The following MYO3A variants were observed in gnomAD, a reference collection of about 807,000 sequenced individuals.
MYO3A encodes the protein myosin IIIA.
In MYO3A, 180 loss-of-function variants were observed where a neutral mutation model predicts 192.7. The observed-to-expected ratio is 0.93, with a 90% CI of 0.83 to 1.06. The LOEUF (loss-of-function observed/expected upper bound fraction) is 1.06, where lower values mean the gene tolerates loss of function less well. MYO3A is among the 50% of genes least tolerant of loss of function. The probability of loss-of-function intolerance (pLI) is 0.00; values close to 1 mark genes in which losing one functional copy is unlikely to be tolerated. For missense variants in MYO3A, 1,896 were observed against 1,905.0 expected, an observed-to-expected ratio of 1.00 and a Z score of 0.09; for synonymous variants, 628 against 645.3, an observed-to-expected ratio of 0.97 and a Z score of 0.41.
intron 17 of MYO3A, among the ~76,000 whole-genome samples, chr10:26,104,369 A>G (rs768042969): frequency 3.3e-5 from 5 of 152,200 alleles, no homozygotes; most frequent in Middle Eastern, 3.4e-3. Context: ...ATTTTTGTGC[A>G]TATTGTGAAG....
At chr10:26,172,393 T>G (rs997007600) in intron 29 of MYO3A, among the ~76,000 whole-genome samples, 1 of 151,780 alleles carries the variant, frequency 6.6e-6, no homozygotes, top group African/African-American at 2.4e-5. Context: ...CTCTGAAGGG[T>G]TGATCCTCAG....
rs200156107 is a variant in MYO3A, at chr10:26,068,892, G to T, written c.1170+8G>T. On this transcript the variant is annotated splice_region_variant and intron_variant, in intron 12 of 34. Coordinates refer to ENST00000642920, the MANE Select transcript of MYO3A (RefSeq NM_017433.5). ...GGTCTTTACTCCACAAAGGTATGTC[G>T]TATGGGGTGCATTCTGTTACTTCAT... is the stretch of plus-strand genomic sequence containing the variant. 30 of 1,489,618 alleles carry T rather than the reference G, an allele frequency of 2.0e-5. No individual in the cohort carries two copies. The highest frequency in any genetic ancestry group is 2.3e-5 in the Non-Finnish European group (25 of 1,067,392). 92.3% of individuals were successfully genotyped at this position (1,489,618 alleles called of 1,614,324 possible). A position where few individuals can be genotyped will look rare whatever the true frequency, so the allele number is the denominator to read the frequency against.
intron 4 of MYO3A, among the ~76,000 whole-genome samples, chr10:25,978,305 A>G (rs1000465999): frequency 1.1e-4 from 17 of 152,236 alleles, no homozygotes; most frequent in African/African-American, 3.9e-4. Flanking sequence ...CAATTTATGA[A>G]AGAAAAAGGT....
intron 4 of MYO3A, among the ~76,000 whole-genome samples, chr10:25,969,054 A>G (rs1190761624): frequency 6.6e-6 from 1 of 152,174 alleles, no homozygotes. Flanking sequence ...CCTGGCTAAT[A>G]CGGTGAAACC....
intron 29 of MYO3A, among the ~76,000 whole-genome samples, chr10:26,171,161 G>A (rs560396574): frequency 1.6e-4 from 24 of 152,146 alleles, no homozygotes; most frequent in Non-Finnish European, 2.8e-4. Context: ...AAGGAGGAGG[G>A]AACCCTGCCT....
intron 10 of MYO3A, among the ~76,000 whole-genome samples, chr10:26,028,326 A>G (rs1842652121): frequency 6.6e-6 from 1 of 152,260 alleles, no homozygotes; most frequent in Non-Finnish European, 1.5e-5. Flanking sequence ...TCACAGGAGT[A>G]AATGGACTAA....
At chr10:25,999,365 A>G (rs2130917293) in intron 6 of MYO3A, among the ~76,000 whole-genome samples, 1 of 152,322 alleles carries the variant, frequency 6.6e-6, no homozygotes, top group East Asian at 1.9e-4. Flanking sequence ...TTAATTACAT[A>G]TAAGATAGTA....
intron 2 of MYO3A, among the ~76,000 whole-genome samples, chr10:25,937,604 G>GT (rs1836175291): frequency 1.3e-5 from 2 of 152,242 alleles, no homozygotes; most frequent in Middle Eastern, 3.4e-3. Context: ...GTGACTTAAA[G>GT]TTTTTTGGAG....
At chr10:25,947,389 C>CTTTTTTT (rs869281200) in intron 2 of MYO3A, among the ~76,000 whole-genome samples, 239 of 91,810 alleles carry the variant, frequency 2.6e-3, no homozygotes, top group African/African-American at 3.3e-3. Flanking sequence ...TTTTCTTTTT[C>CTTTTTTT]TTTTTTTTTT....
At chr10:26,080,031 C>T (rs1056642444) in intron 14 of MYO3A, among the ~76,000 whole-genome samples, 12 of 152,056 alleles carry the variant, frequency 7.9e-5, no homozygotes, top group African/African-American at 1.4e-4. Context: ...ATGAATTTCC[C>T]GGGTATTCTT....
In MYO3A at chr10:25,952,281, A is replaced by G. The variant is rs369807549; in HGVS notation, c.168+3A>G. 15 of 1,611,490 alleles carry G rather than the reference A, an allele frequency of 9.3e-6. No homozygotes were observed. Among genetic ancestry groups the G allele is most frequent in the Admixed American group, 8.4e-5 (5 of 59,790 alleles). The stretch of plus-strand genomic sequence containing the variant: ...TCAAAATTCTTGATCCAATTCACGT[A>G]AGTCATATTTTTTCCTTCTAATTAG... On this transcript the variant is annotated splice_donor_region_variant and intron_variant, in intron 3 of 34. Transcript: ENST00000642920.
At chr10:26,200,126 A>G (rs946241838) in intron 32 of MYO3A, among the ~76,000 whole-genome samples, 1 of 152,232 alleles carries the variant, frequency 6.6e-6, no homozygotes, top group African/African-American at 2.4e-5. Context: ...TATTTCCTGA[A>G]TGGTCTCCTC....
intron 17 of MYO3A, among the ~76,000 whole-genome samples, chr10:26,119,153 C>T (rs12265882): frequency 0.5 from 75,629 of 151,974 alleles, 19,371 homozygotes; most frequent in Middle Eastern, 0.59. Flanking sequence ...ATGGCCTCCT[C>T]CAAGGGCAGC....
At chr10:25,969,268 T>G (rs956311133) in intron 4 of MYO3A, among the ~76,000 whole-genome samples, 1 of 152,190 alleles carries the variant, frequency 6.6e-6, no homozygotes, top group African/African-American at 2.4e-5. Flanking sequence ...GGAGTAGTGT[T>G]GCTGGAATGT....
chr10:26,126,321 A>G (rs1839212061), intron 19 of MYO3A, among the ~76,000 whole-genome samples: 1 of 152,214 alleles, frequency 6.6e-6, no homozygotes, highest in Non-Finnish European at 1.5e-5. Flanking sequence ...AGCAAGATGG[A>G]TGCCTACCAT....
At chr10:26,027,353 T>C (rs1842602047) in intron 10 of MYO3A, among the ~76,000 whole-genome samples, 1 of 88,974 alleles carries the variant, frequency 1.1e-5, no homozygotes, top group Non-Finnish European at 2.9e-5. Context: ...TATACTTTTT[T>C]GTTTTTTTTG....
In MYO3A at chr10:26,096,583, C is replaced by T. The variant is rs761594947; in HGVS notation, c.1677C>T (p.Asp559=). 10 of 1,602,258 alleles carry T rather than the reference C, an allele frequency of 6.2e-6. No individual in the cohort carries two copies. Among genetic ancestry groups the T allele is most frequent in the Non-Finnish European group, 7.7e-6 (9 of 1,169,506 alleles). ...TTTTTTTTAGGTACCTACAAAATGA[C>T]CACCTCAGAACAGTACAAGACATCA... is the stretch of plus-strand genomic sequence containing the variant. ...ENKPPRYLQN[D]HLRTVQDIMN... Residue 559 remains aspartate (D), a synonymous_variant, in exon 17 of 35, where the codon GAC becomes GAT. Coordinates refer to ENST00000642920, the MANE Select transcript of MYO3A (RefSeq NM_017433.5).
At chr10:26,137,847 A>G (rs4548529) in intron 20 of MYO3A, among the ~76,000 whole-genome samples, 75,056 of 151,900 alleles carry the variant, frequency 0.49, 19,126 homozygotes, top group Middle Eastern at 0.59. Context: ...GGCTTACTGG[A>G]GTGGGGAAAA....
intron 12 of MYO3A, 102 bp downstream of exon 12, chr10:26,068,986 T>C: frequency 1.3e-6 from 1 of 792,596 alleles, no homozygotes; most frequent in Non-Finnish European, 2.1e-6. Flanking sequence ...TCCAGTATTT[T>C]GAATAAACAG....
Sources: allele counts gnomAD v4.1 joint callset (sites outside exome capture counted in the v4.1 genomes callset), GRCh38; gene constraint gnomAD v4.1.1; transcripts MANE v1.5; gene names NCBI Gene and HGNC (gene_info 2026-07-23, HGNC 2026-07-21).